PDE4A: variants seen among roughly 807,000 people sequenced by gnomAD.
PDE4A encodes the protein phosphodiesterase 4A.
Under a neutral mutation model 73.9 loss-of-function variants are expected in PDE4A, and 21 were observed. That is an observed-to-expected ratio of 0.28 (90% CI 0.20 to 0.41). The LOEUF is 0.41. Ranked by LOEUF, PDE4A falls within the 10% of genes least tolerant of loss-of-function variation. The pLI is 1.00. For synonymous variants in PDE4A, 463 were observed against 505.4 expected (o/e 0.92, Z 1.13); for missense variants, 958 against 1,211.4 (o/e 0.79, Z 3.10).
chr19:10,419,017 C>CGGGGAGAAA, upstream of PDE4A: 1 of 886,566 alleles, frequency 1.1e-6, no homozygotes, highest in Non-Finnish European at 1.3e-6. Flanking sequence ...CCCCCTCTGG[C>CGGGGAGAAA]GGGGAGAAAA....
intron 14 of PDE4A, among the ~76,000 whole-genome samples, chr19:10,465,479 C>T (rs1196205203): frequency 1.3e-4 from 20 of 151,922 alleles, no homozygotes; most frequent in Non-Finnish European, 7.4e-5. Context: ...CTCGGCCTCC[C>T]AAAGTGCTGG....
chr19:10,456,657 C>T (rs1483805354), intron 7 of PDE4A, among the ~76,000 whole-genome samples: 1 of 150,804 alleles, frequency 6.6e-6, no homozygotes, highest in Non-Finnish European at 1.5e-5. Context: ...TTCGAGGCTG[C>T]AGTGAGACAT....
intron 10 of PDE4A, among the ~76,000 whole-genome samples, chr19:10,460,118 C>T (rs1055247515): frequency 3.9e-5 from 6 of 152,016 alleles, no homozygotes; most frequent in African/African-American, 1.4e-4. Context: ...CTCCCAACCT[C>T]GTGATCAGCC....
At chr19:10,450,479 G>C in intron 4 of PDE4A, 124 bp from the exon 5 acceptor site, 1 of 1,453,376 alleles carries the variant, frequency 6.9e-7, no homozygotes, top group Non-Finnish European at 9.0e-7. Flanking sequence ...GTACATGGCA[G>C]CGTCCTTAGG....
chr19:10,416,999 G>C, upstream of PDE4A: 1 of 1,538,112 alleles, frequency 6.5e-7, no homozygotes, highest in East Asian at 2.4e-5. Context: ...AGGTGCGAGA[G>C]GAGGGGCTTG....
At position 10,467,373 on chromosome 19, in the gene PDE4A, G is replaced by A; in HGVS notation, c.2413G>A (p.Ala805Thr). ...EFSSREEFVV[A>T]VSHSSPSALA... is the part of the protein sequence containing the mutation. ...CTCGTCCCGGGAGGAATTCGTGGTT[G>A]CTGTAAGCCACAGCAGCCCCTCTGC... The change falls in exon 15 of 15, where the codon GCT becomes ACT. Residue 805 changes from alanine to threonine, a missense_variant. Transcript: ENST00000380702. 2 of 1,614,184 alleles carry A rather than the reference G, an allele frequency of 1.2e-6. No individual in the cohort carries two copies. Among genetic ancestry groups the A allele is most frequent in the South Asian group, 2.2e-5 (2 of 91,090 alleles).
At chr19:10,430,053 C>T (rs1382209842) in intron 1 of PDE4A, among the ~76,000 whole-genome samples, 3 of 151,618 alleles carry the variant, frequency 2.0e-5, no homozygotes, top group Non-Finnish European at 2.9e-5. Context: ...TCTGGGGGTA[C>T]TGAGGGAGGG....
rs2043209326 is a variant in PDE4A, at chr19:10,458,666, TG to T, written c.1101+566del. On this transcript the variant is annotated intron_variant, in intron 8 of 14. Coordinates refer to ENST00000380702, the MANE Select transcript of PDE4A (RefSeq NM_001111307.2). This position sits in a 1 kb window ranked among gnomAD's most constrained non-coding sequence, Gnocchi z 4.6. The stretch of plus-strand genomic sequence containing the variant: ...TGGAGACTCGCTCTGTTGCCCAGGT[TG>T]GAGTGCAGTAGTGTGATCTCGGCTC... 1.3e-5 allele frequency among the ~76,000 whole-genome samples: 2 copies of T among 152,178 alleles called. No individual in the cohort carries two copies. Among genetic ancestry groups the T allele is most frequent in the Admixed American group, 1.3e-4 (2 of 15,268 alleles).
Position 10,453,309 on chromosome 19 carries a change from C to T in PDE4A, c.784-1520C>T. The stretch of plus-strand genomic sequence containing the variant: ...CTGCGAGACCTGCTCTAAGCCTTGG[C>T]TGGTGGGCTGGTGGGACCAGGTAGG... On this transcript the variant is annotated intron_variant, in intron 6 of 14. Coordinates refer to ENST00000380702, the MANE Select transcript of PDE4A (RefSeq NM_001111307.2). This position sits in a 1 kb window ranked among gnomAD's most constrained non-coding sequence, Gnocchi z 4.6. 7.4e-6 allele frequency: 12 copies of T among 1,613,280 alleles called. No homozygotes were observed. The highest frequency in any genetic ancestry group is 7.6e-6 in the Non-Finnish European group (9 of 1,179,668).
chr19:10,419,228 G>C (rs1486632858), upstream of PDE4A: 198 of 122,662 alleles, frequency 1.6e-3, 1 homozygote, highest in Non-Finnish European at 2.0e-3. Flanking sequence ...TATCGGCGTG[G>C]GGGGGGGGGG....
rs2043395385 is a variant in PDE4A, at chr19:10,467,360, G to A, written c.2400G>A (p.Glu800=). 6.2e-7 allele frequency: 1 copy of A among 1,614,092 alleles called. No individual in the cohort carries two copies. The highest frequency in any genetic ancestry group is 1.3e-5 in the African/African-American group (1 of 74,938). ...CTCCGGATGAGTTCTCGTCCCGGGA[G>A]GAATTCGTGGTTGCTGTAAGCCACA... ...PVAPDEFSSR[E]EFVVAVSHSS... is the part of the protein sequence containing the mutation. Residue 800 remains glutamate (E), a synonymous_variant, in exon 15 of 15, where the codon GAG becomes GAA. Coordinates refer to ENST00000380702, the MANE Select transcript of PDE4A (RefSeq NM_001111307.2).
rs1307560848 is a variant in PDE4A, at chr19:10,449,099, G to T, written c.569G>T (p.Ser190Ile). 6.2e-7 allele frequency: 1 copy of T among 1,613,560 alleles called. No individual in the cohort carries two copies. Among genetic ancestry groups the T allele is most frequent in the Non-Finnish European group, 8.5e-7 (1 of 1,179,808 alleles). ...PFAQVLASLRSVRSNFSLLTN... is the reference protein window; with the variant it reads ...PFAQVLASLRIVRSNFSLLTN... The stretch of plus-strand genomic sequence containing the variant: ...TCCCAGGTGCTGGCCAGCCTCCGGA[G>T]CGTCCGTAGCAACTTCTCACTCCTG... Residue 190 changes from serine to isoleucine, a missense_variant, in exon 4 of 15, where the codon AGC becomes ATC. Around this residue, in one of 3 missense-constraint regions of PDE4A, gnomAD observed 570 missense variants for 827.7 expected, o/e 0.69. Transcript: ENST00000380702.
chr19:10,446,030 G>T (rs1298327332), intron 1 of PDE4A, 188 bp from the exon 2 acceptor site: 1 of 360,752 alleles, frequency 2.8e-6, no homozygotes, highest in African/African-American at 2.2e-5. Flanking sequence ...TGGAGACAGG[G>T]TTTCATCATG....
At chr19:10,425,904 T>G (rs2042710384) in intron 1 of PDE4A, among the ~76,000 whole-genome samples, 1 of 146,590 alleles carries the variant, frequency 6.8e-6, no homozygotes, top group South Asian at 2.2e-4. Context: ...GGAGAATTGG[T>G]TGAGCCTGGA....
chr19:10,431,076 G>T, intron 1 of PDE4A: 2 of 1,555,772 alleles, frequency 1.3e-6, no homozygotes, highest in Non-Finnish European at 1.7e-6. Context: ...CCAGGCTTGG[G>T]CTGGGGCTGG....
intron 1 of PDE4A, among the ~76,000 whole-genome samples, chr19:10,442,519 G>A (rs1285387778): frequency 6.6e-6 from 1 of 151,358 alleles, no homozygotes; most frequent in African/African-American, 2.4e-5. Context: ...GTGAAATCCT[G>A]TCTCAAAAAC....
intron 1 of PDE4A, chr19:10,432,634 G>A (rs2042811080): frequency 2.1e-6 from 3 of 1,448,020 alleles, no homozygotes; most frequent in Non-Finnish European, 2.8e-6. Context: ...CTGTGCTGGG[G>A]GGGTGGGGGT....
At chr19:10,418,806 A>G, upstream of PDE4A, 1 of 985,248 alleles carries the variant, frequency 1.0e-6, no homozygotes, top group Non-Finnish European at 1.2e-6. Context: ...ATACCCCGCC[A>G]AGAATTTGGC....
At position 10,459,551 on chromosome 19, in the gene PDE4A, T is replaced by C. The variant is rs750371955; in HGVS notation, c.1201-44T>C. On this transcript the variant is annotated intron_variant, in intron 9 of 14. Coordinates refer to ENST00000380702, the MANE Select transcript of PDE4A (RefSeq NM_001111307.2). The stretch of plus-strand genomic sequence containing the variant: ...GGGTGAGGGGCTCATAGCGGGGCGC[T>C]GGAGGCCGGTGGAGGTCACCACCCT... The C allele has an allele frequency of 1.9e-6, 3 of 1,610,646 alleles. No homozygotes were observed. In the East Asian group the frequency reaches 6.7e-5, roughly 36 times the overall value.
Sources: allele counts gnomAD v4.1 joint callset (sites outside exome capture counted in the v4.1 genomes callset), GRCh38; gene constraint gnomAD v4.1.1; regional missense constraint gnomAD v4.1.1; non-coding constraint Gnocchi (gnomAD v3.1); transcripts MANE v1.5; gene names NCBI Gene and HGNC (gene_info 2026-07-23, HGNC 2026-07-21).